Variants in RAB28 observed in about 807,000 individuals in gnomAD.
RAB28 encodes the protein RAB28, member RAS oncogene family.
RAB28 carries 24 observed loss-of-function variants against 31.7 expected under a neutral mutation model. The ratio of observed to expected loss-of-function variants is 0.76; its 90% confidence interval spans 0.55 to 1.06. The LOEUF (loss-of-function observed/expected upper bound fraction) is 1.06, where lower values mean the gene tolerates loss of function less well. Among genes scored for constraint, RAB28 ranks in the 50% least tolerant of loss-of-function variants. The pLI, the probability that RAB28 is intolerant of heterozygous loss-of-function variation, is 0.00. For synonymous variants in RAB28, 100 were observed against 90.4 expected, an observed-to-expected ratio of 1.11 and a Z score of -0.60; for missense variants, 254 against 258.5, an observed-to-expected ratio of 0.98 and a Z score of 0.12.
At chr4:13,421,113 A>G (rs1429950466) in intron 4 of RAB28, among the ~76,000 whole-genome samples, 2 of 152,222 alleles carry the variant, frequency 1.3e-5, no homozygotes, top group Admixed American at 1.3e-4. Flanking sequence ...CACAAATAAC[A>G]GACAAACAGA....
chr4:13,425,159 T>C (rs1713403726), intron 4 of RAB28, among the ~76,000 whole-genome samples: 1 of 152,216 alleles, frequency 6.6e-6, no homozygotes, highest in Non-Finnish European at 1.5e-5. Flanking sequence ...GAACATTTTC[T>C]TCATCTGGAT....
chr4:13,396,595 T>C (rs1173944851), intron 4 of RAB28, among the ~76,000 whole-genome samples: 1 of 151,992 alleles, frequency 6.6e-6, no homozygotes, highest in Non-Finnish European at 1.5e-5. Context: ...GCCTGGAAAA[T>C]CCACGTGTTC....
At chr4:13,386,078 A>G (rs978518731) in intron 4 of RAB28, among the ~76,000 whole-genome samples, 2 of 152,168 alleles carry the variant, frequency 1.3e-5, no homozygotes, top group Non-Finnish European at 2.9e-5. Context: ...TGAAGAAATA[A>G]CCTGCAGAAT....
chr4:13,440,013 C>A (rs1193339048), intron 4 of RAB28, among the ~76,000 whole-genome samples: 1 of 152,094 alleles, frequency 6.6e-6, no homozygotes, highest in Non-Finnish European at 1.5e-5. Context: ...CACAACTAAT[C>A]ATAACATATT....
At chr4:13,466,690 C>G (rs563175093) in intron 3 of RAB28, among the ~76,000 whole-genome samples, 8 of 151,878 alleles carry the variant, frequency 5.3e-5, no homozygotes, top group Admixed American at 2.6e-4. Context: ...GTGTATTTAC[C>G]CAAAGATTTG....
intron 4 of RAB28, among the ~76,000 whole-genome samples, chr4:13,434,170 C>T (rs1162613975): frequency 2.0e-5 from 3 of 152,086 alleles, no homozygotes; most frequent in Non-Finnish European, 4.4e-5. Flanking sequence ...AAAGAGGAGA[C>T]AGATGGAGTG....
At chr4:13,414,504 T>TTTATAAATAAG (rs1472686868) in intron 4 of RAB28, among the ~76,000 whole-genome samples, 10 of 152,220 alleles carry the variant, frequency 6.6e-5, no homozygotes. Flanking sequence ...TCCTGATGAT[T>TTTATAAATAAG]TTATAAATAA....
At chr4:13,369,077 T>G (rs781606190) in intron 6 of RAB28, among the ~76,000 whole-genome samples, 1 of 152,158 alleles carries the variant, frequency 6.6e-6, no homozygotes, top group Non-Finnish European at 1.5e-5. Context: ...TAGCGAAAAC[T>G]TTTCATTGAA....
chr4:13,383,739 A>G (rs1394317998), intron 4 of RAB28, among the ~76,000 whole-genome samples: 1 of 152,124 alleles, frequency 6.6e-6, no homozygotes, highest in Non-Finnish European at 1.5e-5. Flanking sequence ...ATGAGATCTT[A>G]TAGTTTTATA....
chr4:13,421,013 C>T (rs1713104198), intron 4 of RAB28, among the ~76,000 whole-genome samples: 1 of 152,200 alleles, frequency 6.6e-6, no homozygotes, highest in African/African-American at 2.4e-5. Flanking sequence ...ACCCCATCAT[C>T]TCAGCCCAAA....
chr4:13,479,328 T>C, intron 2 of RAB28, 102 bp downstream of exon 2: 1 of 745,102 alleles, frequency 1.3e-6, no homozygotes. Flanking sequence ...ATATACATCT[T>C]CATGTAGAAG....
chr4:13,461,788 G>A (rs1031248469), intron 3 of RAB28, among the ~76,000 whole-genome samples: 10 of 152,180 alleles, frequency 6.6e-5, no homozygotes, highest in South Asian at 6.2e-4. Context: ...GTATAAGCCC[G>A]GACCCTAATG....
intron 4 of RAB28, among the ~76,000 whole-genome samples, chr4:13,403,397 T>C (rs1398755890): frequency 2.0e-5 from 3 of 152,242 alleles, no homozygotes; most frequent in Admixed American, 2.0e-4. Flanking sequence ...TGGCTTTCTA[T>C]AGCTCTTGTG....
intron 4 of RAB28, among the ~76,000 whole-genome samples, chr4:13,402,604 G>A (rs1178206950): frequency 6.6e-6 from 1 of 151,900 alleles, no homozygotes; most frequent in Non-Finnish European, 1.5e-5. Flanking sequence ...CTATTTCTAA[G>A]CTACCTGTAT....
At chr4:13,394,539 G>T (rs1223156341) in intron 4 of RAB28, among the ~76,000 whole-genome samples, 1 of 152,114 alleles carries the variant, frequency 6.6e-6, no homozygotes, top group African/African-American at 2.4e-5. Flanking sequence ...TGGCCCAGGG[G>T]TTGGGAACCC....
chr4:13,397,324 C>A (rs1413121703), intron 4 of RAB28, among the ~76,000 whole-genome samples: 2 of 151,978 alleles, frequency 1.3e-5, no homozygotes, highest in African/African-American at 4.8e-5. Context: ...AGAAAAAGAT[C>A]AAGACTATGG....
intron 4 of RAB28, among the ~76,000 whole-genome samples, chr4:13,439,964 T>A (rs1714328276): frequency 6.6e-6 from 1 of 152,148 alleles, no homozygotes; most frequent in African/African-American, 2.4e-5. Context: ...ATTTATATAT[T>A]TACATCTACA....
intron 4 of RAB28, among the ~76,000 whole-genome samples, chr4:13,386,767 A>T (rs894086176): frequency 6.6e-6 from 1 of 152,146 alleles, no homozygotes; most frequent in African/African-American, 2.4e-5. Flanking sequence ...AAGGAATATA[A>T]ATCATTCTAT....
In RAB28 at chr4:13,479,423, C is replaced by CTCTT; in HGVS notation, c.172+3_172+6dup. The stretch of plus-strand genomic sequence containing the variant: ...ATCTTCTACGTTAAGACTTTTTAGT[C>CTCTT]TCTTACCTGGCAATGTTATCCTTCT... On this transcript the variant is annotated splice_region_variant and intron_variant, in intron 2 of 6. Transcript: ENST00000330852. The CTCTT allele has an allele frequency of 1.3e-6, 2 of 1,568,200 alleles. No individual in the cohort carries two copies. Among genetic ancestry groups the CTCTT allele is most frequent in the Non-Finnish European group, 1.7e-6 (2 of 1,143,008 alleles).
Sources: allele counts gnomAD v4.1 joint callset (sites outside exome capture counted in the v4.1 genomes callset), GRCh38; gene constraint gnomAD v4.1.1; transcripts MANE v1.5; gene names NCBI Gene and HGNC (gene_info 2026-07-23, HGNC 2026-07-21).